TENM4: variants seen among roughly 807,000 people sequenced by gnomAD.
TENM4 encodes teneurin-4.
Under a neutral mutation model 243.3 loss-of-function variants are expected in TENM4, and 82 were observed. The observed-to-expected ratio is 0.34, with a 90% CI of 0.28 to 0.40. TENM4 has a LOEUF of 0.40. Ranked by LOEUF, TENM4 falls within the 10% of genes least tolerant of loss-of-function variation. TENM4 has a pLI of 1.00. For synonymous variants in TENM4, 1,412 were observed against 1,456.3 expected, an observed-to-expected ratio of 0.97 and a Z score of 0.69; for missense variants, 3,138 against 3,673.3, an observed-to-expected ratio of 0.85 and a Z score of 3.77.
intron 4 of TENM4, among the ~76,000 whole-genome samples, chr11:79,131,047 C>A (rs189260764): frequency 1.3e-5 from 2 of 151,906 alleles, no homozygotes; most frequent in Non-Finnish European, 2.9e-5. Flanking sequence ...AATGATGAAA[C>A]CTAAGAATAA....
intron 3 of TENM4, among the ~76,000 whole-genome samples, chr11:79,177,359 C>T (rs1449199665): frequency 6.6e-6 from 1 of 151,998 alleles, no homozygotes; most frequent in Non-Finnish European, 1.5e-5. Flanking sequence ...TTCCCCTCCC[C>T]TCCTTTCCTC....
chr11:79,337,020 C>G (rs539273797), intron 1 of TENM4, among the ~76,000 whole-genome samples: 1 of 152,174 alleles, frequency 6.6e-6, no homozygotes, highest in Admixed American at 6.5e-5. Flanking sequence ...ATGCAATAGC[C>G]GAGGGGACAA....
intron 1 of TENM4, among the ~76,000 whole-genome samples, chr11:79,346,108 A>C (rs1857322086): frequency 6.6e-6 from 1 of 152,172 alleles, no homozygotes; most frequent in South Asian, 2.1e-4. Context: ...ATTCCCAAAT[A>C]AAACTCCGAA....
intron 6 of TENM4, among the ~76,000 whole-genome samples, chr11:78,928,190 G>T (rs1402772003): frequency 6.6e-6 from 1 of 152,156 alleles, no homozygotes. Flanking sequence ...AGCCCCTGGG[G>T]GTCCCCGCTC....
chr11:79,059,282 A>T (rs1272755722), intron 6 of TENM4, among the ~76,000 whole-genome samples: 2 of 152,074 alleles, frequency 1.3e-5, no homozygotes, highest in Non-Finnish European at 2.9e-5. Context: ...GCGTGCCTCC[A>T]AGCCTTGGGT....
At chr11:78,727,250 C>T (rs1451507454) in intron 22 of TENM4, among the ~76,000 whole-genome samples, 1 of 152,078 alleles carries the variant, frequency 6.6e-6, no homozygotes, top group Non-Finnish European at 1.5e-5. Context: ...AGATGGAGAC[C>T]ATCCTGGCTA....
intron 9 of TENM4, among the ~76,000 whole-genome samples, chr11:78,876,951 C>T (rs1859282469): frequency 6.6e-6 from 1 of 152,220 alleles, no homozygotes; most frequent in South Asian, 2.1e-4. Flanking sequence ...TACTATGGGT[C>T]ATCCACTGGA....
chr11:79,164,957 A>ATATGTGTGTGTGTG (rs1555020448), intron 3 of TENM4, among the ~76,000 whole-genome samples: 5 of 139,862 alleles, frequency 3.6e-5, no homozygotes, highest in African/African-American at 5.3e-5. Flanking sequence ...CTATATATAT[A>ATATGTGTGTGTGTG]TGTGTGTGTG....
chr11:79,317,152 T>A (rs549351425), intron 1 of TENM4, among the ~76,000 whole-genome samples: 1 of 152,368 alleles, frequency 6.6e-6, no homozygotes, highest in East Asian at 1.9e-4. Context: ...ATTCCCACTT[T>A]GGGAAATTCT....
intron 9 of TENM4, 107 bp downstream of exon 9, chr11:78,889,678 G>A (rs773977713): frequency 5.6e-6 from 7 of 1,241,396 alleles, no homozygotes; most frequent in Non-Finnish European, 7.9e-6. Context: ...CACACTGCGT[G>A]CTTTGCCTGC....
At chr11:78,700,002 T>C (rs1330262311) in intron 28 of TENM4, among the ~76,000 whole-genome samples, 2 of 152,256 alleles carry the variant, frequency 1.3e-5, no homozygotes, top group African/African-American at 4.8e-5. Context: ...CTTTGTCTTT[T>C]CTTTGTAATT....
At chr11:79,081,636 T>C (rs1860677989) in intron 4 of TENM4, among the ~76,000 whole-genome samples, 1 of 151,976 alleles carries the variant, frequency 6.6e-6, no homozygotes, top group African/African-American at 2.4e-5. Context: ...TGTAACTCTG[T>C]TCACCAGGCC....
chr11:78,722,189 A>T (rs963669603), intron 24 of TENM4, among the ~76,000 whole-genome samples: 5 of 152,082 alleles, frequency 3.3e-5, no homozygotes, highest in Non-Finnish European at 5.9e-5. Context: ...TTTTTAAATT[A>T]TTTTTTTGCA....
rs191423472 is a variant in TENM4 at position 78,776,990 on chromosome 11, C to T, written c.2392+1612G>A. 6.0e-4 allele frequency among the ~76,000 whole-genome samples: 91 copies of T among 152,018 alleles called. 1 individual carries two copies. Among genetic ancestry groups the T allele is most frequent in the African/African-American group, 2.1e-3 (87 of 41,470 alleles). On this transcript the variant is annotated intron_variant, in intron 17 of 33. Coordinates refer to ENST00000278550, the MANE Select transcript of TENM4 (RefSeq NM_001098816.3). ...GAAGTGTGAGCCAGGATGACCCATT[C>T]AACTCCCTCAACTTCAGTTTCCTTT...
At chr11:79,004,805 T>C (rs544735636) in intron 6 of TENM4, among the ~76,000 whole-genome samples, 11 of 151,854 alleles carry the variant, frequency 7.2e-5, no homozygotes, top group African/African-American at 2.7e-4. Flanking sequence ...GATCAATGAA[T>C]CCAGGAGTTG....
At chr11:79,101,266 G>A in intron 4 of TENM4, among the ~76,000 whole-genome samples, 1 of 152,230 alleles carries the variant, frequency 6.6e-6, no homozygotes, top group East Asian at 1.9e-4. Context: ...AGATATAGGA[G>A]AAGCTGATGT....
intron 6 of TENM4, among the ~76,000 whole-genome samples, chr11:78,994,464 A>T (rs1858121789): frequency 6.6e-6 from 1 of 152,218 alleles, no homozygotes; most frequent in Non-Finnish European, 1.5e-5. Flanking sequence ...GAACTCTACT[A>T]CTTGGGAGTT....
At chr11:78,674,412 C>T (rs913809131) in intron 30 of TENM4, among the ~76,000 whole-genome samples, 3 of 152,188 alleles carry the variant, frequency 2.0e-5, no homozygotes, top group Admixed American at 2.0e-4. Context: ...CAATTAAAGC[C>T]TGGGAAACTT....
chr11:78,927,614 C>A (rs547461547), intron 6 of TENM4, among the ~76,000 whole-genome samples: 2 of 152,232 alleles, frequency 1.3e-5, no homozygotes, highest in Admixed American at 1.3e-4. Flanking sequence ...CAGGCTGGCT[C>A]CATCTCAAAG....
Sources: allele counts gnomAD v4.1 joint callset (sites outside exome capture counted in the v4.1 genomes callset), GRCh38; gene constraint gnomAD v4.1.1; transcripts MANE v1.5; gene names NCBI Gene and HGNC (gene_info 2026-07-23, HGNC 2026-07-21).